The following RGS7 variants were observed in gnomAD, a reference collection of about 807,000 sequenced individuals.
RGS7 encodes regulator of G-protein signaling 7.
In RGS7, 27 loss-of-function variants were observed where a neutral mutation model predicts 81.1. The observed-to-expected ratio is 0.33, with a 90% CI of 0.25 to 0.46. The LOEUF (loss-of-function observed/expected upper bound fraction) is 0.46, where lower values mean the gene tolerates loss of function less well. Among genes scored for constraint, RGS7 ranks in the 20% least tolerant of loss-of-function variants. The probability of loss-of-function intolerance (pLI) is 1.00; values close to 1 mark genes in which losing one functional copy is unlikely to be tolerated. For synonymous variants in RGS7, 208 were observed against 207.7 expected, an observed-to-expected ratio of 1.00 and a Z score of -0.01; for missense variants, 396 against 607.4, an observed-to-expected ratio of 0.65 and a Z score of 3.66.
At chr1:240,835,579 T>C (rs1022125015) in intron 9 of RGS7, among the ~76,000 whole-genome samples, 5 of 152,320 alleles carry the variant, frequency 3.3e-5, no homozygotes, top group African/African-American at 7.2e-5. Context: ...ATCATCCTCA[T>C]TGGCATTTAC....
intron 9 of RGS7, among the ~76,000 whole-genome samples, chr1:240,867,179 GA>G (rs967576978): frequency 1.3e-5 from 2 of 152,126 alleles, no homozygotes; most frequent in Non-Finnish European, 2.9e-5. Context: ...TCAAAAGAGA[GA>G]ACAAATTCAA....
At chr1:241,305,785 G>C in intron 2 of RGS7, 1 of 260,516 alleles carries the variant, frequency 3.8e-6, no homozygotes, top group Non-Finnish European at 7.5e-6. Flanking sequence ...GCGCGATTTT[G>C]GTGTTTGCTG....
chr1:241,093,645 G>C (rs1230729734), intron 3 of RGS7, among the ~76,000 whole-genome samples: 1 of 152,026 alleles, frequency 6.6e-6, no homozygotes, highest in Admixed American at 6.6e-5. Flanking sequence ...ATAAAATAAA[G>C]TAAAATAAAA....
intron 2 of RGS7, among the ~76,000 whole-genome samples, chr1:241,116,535 T>C (rs1012956087): frequency 6.6e-6 from 1 of 152,160 alleles, no homozygotes; most frequent in African/African-American, 2.4e-5. Flanking sequence ...CCTTAATGCC[T>C]ATCTAACTTC....
chr1:241,261,750 C>T (rs1002936182), intron 2 of RGS7, among the ~76,000 whole-genome samples: 22 of 139,202 alleles, frequency 1.6e-4, no homozygotes, highest in African/African-American at 4.4e-4. Context: ...GGATCAGGAG[C>T]CATAATGTTA....
intron 9 of RGS7, among the ~76,000 whole-genome samples, chr1:240,834,651 C>A (rs1694389764): frequency 6.6e-6 from 1 of 152,118 alleles, no homozygotes; most frequent in African/African-American, 2.4e-5. Flanking sequence ...GCTGGGACTA[C>A]AGGTGTCCGC....
At chr1:241,295,186 C>G (rs555365457) in intron 2 of RGS7, among the ~76,000 whole-genome samples, 5 of 152,168 alleles carry the variant, frequency 3.3e-5, no homozygotes, top group African/African-American at 1.2e-4. Context: ...CGGTGGCTCA[C>G]GCCTGTAATC....
intron 18 of RGS7, among the ~76,000 whole-genome samples, chr1:240,781,032 T>TAAA (rs11296063): frequency 6.9e-6 from 1 of 144,722 alleles, no homozygotes; most frequent in Admixed American, 7.0e-5. Flanking sequence ...TATCAATTTA[T>TAAA]AAAAAAAAAA....
intron 2 of RGS7, among the ~76,000 whole-genome samples, chr1:241,302,474 G>A (rs996306985): frequency 1.1e-4 from 16 of 152,072 alleles, no homozygotes; most frequent in Non-Finnish European, 1.6e-4. Context: ...GCCTGAACCC[G>A]GGAGGCGGAG....
At chr1:241,026,814 G>A (rs376600593) in intron 3 of RGS7, among the ~76,000 whole-genome samples, 23 of 139,026 alleles carry the variant, frequency 1.7e-4, no homozygotes, top group Admixed American at 4.3e-4. Context: ...CTTGGTGAGC[G>A]GGGTTTGGGG....
chr1:240,939,288 T>C lies in RGS7; in HGVS notation c.227-2582A>G, dbSNP rs777532683. ...AAAAAAACATAAAACTTTGAAGTGA[T>C]AGATATGTTAATTATTCTGATTTGA... On this transcript the variant is annotated intron_variant, in intron 4 of 18. Transcript: ENST00000440928. 5.3e-5 allele frequency among the ~76,000 whole-genome samples: 8 copies of C among 152,318 alleles called. No individual in the cohort carries two copies. In the East Asian group the frequency reaches 1.5e-3, roughly 29 times the overall value.
At chr1:241,317,141 T>C (rs763115345) in intron 2 of RGS7, among the ~76,000 whole-genome samples, 1 of 152,172 alleles carries the variant, frequency 6.6e-6, no homozygotes, top group African/African-American at 2.4e-5. Context: ...ATGTTTGATA[T>C]GGAGCCCAGA....
At chr1:241,083,657 T>TA (rs555784171) in intron 3 of RGS7, among the ~76,000 whole-genome samples, 1 of 152,242 alleles carries the variant, frequency 6.6e-6, no homozygotes, top group South Asian at 2.1e-4. Flanking sequence ...AGAATTAATT[T>TA]TTTTCCTAAT....
chr1:241,147,295 T>A (rs1388008817), intron 2 of RGS7, among the ~76,000 whole-genome samples: 9 of 152,182 alleles, frequency 5.9e-5, no homozygotes, highest in Non-Finnish European at 1.2e-4. Flanking sequence ...CCTCCCACAC[T>A]TATTTGTAGC....
chr1:241,133,014 A>T (rs940382902), intron 2 of RGS7, among the ~76,000 whole-genome samples: 9 of 152,116 alleles, frequency 5.9e-5, no homozygotes, highest in African/African-American at 2.2e-4. Context: ...CGCCTGCCTC[A>T]GCCTCCCAAA....
At chr1:241,303,798 C>T (rs190170611) in intron 2 of RGS7, among the ~76,000 whole-genome samples, 2 of 152,246 alleles carry the variant, frequency 1.3e-5, no homozygotes, top group African/African-American at 4.8e-5. Flanking sequence ...AATTGTATGC[C>T]TATGGTTTCA....
chr1:240,972,416 AATC>A (rs1683353095), intron 4 of RGS7, among the ~76,000 whole-genome samples: 1 of 148,042 alleles, frequency 6.8e-6, no homozygotes. Flanking sequence ...TGAAATTGGA[AATC>A]ATCATTCTCA....
At chr1:241,030,085 A>G (rs2059991403) in intron 3 of RGS7, among the ~76,000 whole-genome samples, 1 of 151,870 alleles carries the variant, frequency 6.6e-6, no homozygotes, top group Non-Finnish European at 1.5e-5. Context: ...AGTAAAGATT[A>G]CTCTTTTTAG....
chr1:241,212,370 C>T (rs577037914), intron 2 of RGS7, among the ~76,000 whole-genome samples: 20 of 152,264 alleles, frequency 1.3e-4, no homozygotes, highest in Middle Eastern at 3.4e-3. Flanking sequence ...AGGTGACACA[C>T]GGTTCCAAGC....
Sources: gnomAD v4.1 joint callset for allele counts (sites outside exome capture counted in the v4.1 genomes callset) on GRCh38, gnomAD v4.1.1 for gene constraint, MANE v1.5 for transcripts, NCBI Gene and HGNC (gene_info 2026-07-23, HGNC 2026-07-21) for gene names.